MLC1: variants seen among roughly 807,000 people sequenced by gnomAD.
MLC1 encodes the protein modulator of VRAC current 1.
Under a neutral mutation model 44.7 loss-of-function variants are expected in MLC1, and 32 were observed. That is an observed-to-expected ratio of 0.72 (90% CI 0.54 to 0.96). The LOEUF is 0.96. MLC1 is among the 40% of genes least tolerant of loss of function. The probability of loss-of-function intolerance (pLI) is 0.00; values close to 1 mark genes in which losing one functional copy is unlikely to be tolerated. For synonymous variants in MLC1, 190 were observed against 213.0 expected (o/e 0.89, Z 0.94); for missense variants, 459 against 492.2 (o/e 0.93, Z 0.64).
chr22:50,081,059 G>GAAAGAAA (rs1484447304), intron 3 of MLC1, among the ~76,000 whole-genome samples: 9 of 19,164 alleles, frequency 4.7e-4, no homozygotes, highest in South Asian at 2.0e-3. Flanking sequence ...GAAAGAAAGA[G>GAAAGAAA]GAGGTCTGGT....
intron 7 of MLC1, chr22:50,074,576 T>A (rs544352258): frequency 1.9e-5 from 10 of 525,856 alleles, no homozygotes; most frequent in African/African-American, 1.3e-4. Context: ...CCCCCACTGC[T>A]GCTTTTGTCC....
intron 8 of MLC1, among the ~76,000 whole-genome samples, chr22:50,073,784 A>G (rs1242447608): frequency 6.6e-6 from 1 of 152,210 alleles, no homozygotes; most frequent in Non-Finnish European, 1.5e-5. Flanking sequence ...TGTATTGAGC[A>G]TGTGGCATGT....
chr22:50,063,743 G>GACCA (rs5845918), intron 11 of MLC1, among the ~76,000 whole-genome samples: 2,705 of 42,290 alleles, frequency 0.064, 202 homozygotes, highest in Middle Eastern at 0.18. Flanking sequence ...CCTCCCCAGT[G>GACCA]CCCCCACCCC....
chr22:50,080,255 TG>T, intron 4 of MLC1, 88 bp downstream of exon 4: 1 of 1,468,222 alleles, frequency 6.8e-7, no homozygotes, highest in Non-Finnish European at 9.3e-7. Context: ...CGTCTGTGCG[TG>T]GGCACACACA....
chr22:50,076,781 C>T, intron 7 of MLC1, 60 bp downstream of exon 7: 1 of 1,568,596 alleles, frequency 6.4e-7, no homozygotes, highest in Non-Finnish European at 8.8e-7. Context: ...ACGTTTAATC[C>T]AGCCTCAGTC....
intron 8 of MLC1, among the ~76,000 whole-genome samples, chr22:50,070,967 C>A (rs2146833305): frequency 6.6e-6 from 1 of 152,262 alleles, no homozygotes; most frequent in African/African-American, 2.4e-5. Flanking sequence ...GCTGGCTGAG[C>A]CCAGGGCACA....
At position 50,074,788 on chromosome 22, in the gene MLC1, G is replaced by A. The variant is rs905735181; in HGVS notation, c.598-456C>T. 3.1e-5 allele frequency: 7 copies of A among 224,100 alleles called. No individual in the cohort carries two copies. The East Asian group carries it at 3.3e-4, about 10-fold the overall frequency. The allele number at this position is 224,100 out of a possible 1,614,324, so 13.9% of individuals were successfully genotyped here. ...TGCCATGTGGGTTTGCCATTGCCAC[G>A]GCAACACTGGACGTCACCACCCCTT... On this transcript the variant is annotated intron_variant, in intron 7 of 11. Transcript: ENST00000311597.
intron 8 of MLC1, chr22:50,072,697 T>C (rs1298439454): frequency 6.6e-6 from 1 of 152,466 alleles, no homozygotes; most frequent in African/African-American, 2.4e-5. Flanking sequence ...TCCCTCAGCT[T>C]CGGGATGTAA....
At chr22:50,063,985 CGTG>C (rs2061644904) in intron 11 of MLC1, 46 bp downstream of exon 11, 1 of 1,442,838 alleles carries the variant, frequency 6.9e-7, no homozygotes, top group Non-Finnish European at 9.3e-7. Flanking sequence ...TGGGCACCCC[CGTG>C]GGCCACTCAC....
rs866028478 is a variant in MLC1 at position 50,070,545 on chromosome 22, C to T, written c.753G>A (p.Glu251=). The T allele has an allele frequency of 6.4e-7, 1 of 1,564,618 alleles. No homozygotes were observed. The highest frequency in any genetic ancestry group is 1.3e-5 in the African/African-American group (1 of 74,088). ...PSAIASHVAA[E]CPSKCLVEVL... is the part of the protein sequence containing the mutation. ...CACCCACCAGACACTTGCTGGGACA[C>T]TCTGCTGCCACATGACTGGCAATGG... Residue 251 remains glutamate, a synonymous_variant, in exon 9 of 12, where the codon GAG becomes GAA. Coordinates refer to ENST00000311597, the MANE Select transcript of MLC1 (RefSeq NM_015166.4).
chr22:50,077,531 C>T (rs999589937), intron 5 of MLC1, 29 bp from the exon 6 acceptor site: 18 of 1,578,578 alleles, frequency 1.1e-5, no homozygotes, highest in South Asian at 2.2e-5. Context: ...GCTTCAGCAC[C>T]GGGCCCGCCT....
chr22:50,075,019 C>A (rs1354702862), intron 7 of MLC1, among the ~76,000 whole-genome samples: 2 of 152,212 alleles, frequency 1.3e-5, no homozygotes, highest in African/African-American at 4.8e-5. Flanking sequence ...ACCTCCAGCT[C>A]GCCCTTGAAT....
intron 3 of MLC1, among the ~76,000 whole-genome samples, chr22:50,081,610 C>T (rs116939928): frequency 0.012 from 1,770 of 152,328 alleles, 29 homozygotes; most frequent in East Asian, 0.042. Flanking sequence ...CATGGGACCC[C>T]GGGCCCTGAG....
intron 3 of MLC1, among the ~76,000 whole-genome samples, chr22:50,081,033 G>GAA (rs113685391): frequency 6.8e-6 from 1 of 146,192 alleles, no homozygotes; most frequent in Non-Finnish European, 1.5e-5. Flanking sequence ...AAGAAAGAAA[G>GAA]AAAGAAAGAA....
intron 3 of MLC1, among the ~76,000 whole-genome samples, chr22:50,082,370 C>T (rs1290733289): frequency 2.0e-5 from 3 of 152,230 alleles, no homozygotes; most frequent in East Asian, 1.9e-4. Context: ...CAGGGGACAG[C>T]GGTTGTCTGT....
At chr22:50,081,406 ACT>A (rs959824208) in intron 3 of MLC1, among the ~76,000 whole-genome samples, 51 of 152,326 alleles carry the variant, frequency 3.3e-4, no homozygotes, top group African/African-American at 1.2e-3. Context: ...AAGTAGCAAG[ACT>A]CTGCATGTGA....
chr22:50,065,929 A>G (rs2061692377), intron 10 of MLC1, among the ~76,000 whole-genome samples: 1 of 152,258 alleles, frequency 6.6e-6, no homozygotes, highest in Non-Finnish European at 1.5e-5. Context: ...CTCAGTTTCC[A>G]TCACTAGGGA....
rs139336504 is a variant in MLC1, at chr22:50,064,085, C to A, written c.1008G>T (p.Gln336His). 241 of 1,609,726 alleles carry A rather than the reference C, an allele frequency of 1.5e-4. 8 individuals are homozygous for A. The highest frequency in any genetic ancestry group is 5.0e-4 in the Middle Eastern group (3 of 5,944). ...CVRFKVSARL[Q>H]GASWDTQNGP... The stretch of plus-strand genomic sequence containing the variant: ...CGTTCTGGGTGTCCCAGGATGCACC[C>A]TGCAGCCTTGCACTGACCTTGAAGC... Residue 336 changes from glutamine (Q) to histidine (H), a missense_variant, in exon 11 of 12, where the codon CAG becomes CAT. Coordinates refer to ENST00000311597, the MANE Select transcript of MLC1 (RefSeq NM_015166.4).
chr22:50,080,104 C>T, intron 4 of MLC1, 85 bp from the exon 5 acceptor site: 8 of 1,182,724 alleles, frequency 6.8e-6, no homozygotes, highest in Non-Finnish European at 7.5e-6. Context: ...AGGCCATTCA[C>T]TAAAAATTAT....
Sources: allele counts gnomAD v4.1 joint callset (sites outside exome capture counted in the v4.1 genomes callset), GRCh38; gene constraint gnomAD v4.1.1; transcripts MANE v1.5; gene names NCBI Gene and HGNC (gene_info 2026-07-23, HGNC 2026-07-21).